The following H2BC12 variants were observed in gnomAD, a reference collection of about 807,000 sequenced individuals.
H2BC12 encodes the protein H2B clustered histone 12, also known as histone H2B type 1-K.
In H2BC12, 6 loss-of-function variants were observed where a neutral mutation model predicts 6.3. That is an observed-to-expected ratio of 0.95 (90% CI 0.52 to 1.87). The LOEUF is 1.87. Among genes scored for constraint, H2BC12 ranks in the 40% most tolerant of loss-of-function variants. The pLI, the probability that H2BC12 is intolerant of heterozygous loss-of-function variation, is 0.01. For missense variants in H2BC12, 119 were observed against 178.4 expected (o/e 0.67, Z 1.90); for synonymous variants, 132 against 78.5 (o/e 1.68, Z -3.60).
At chr6:27,139,458 C>T in the H2BC12 span, 5 of 1,614,092 alleles carry the variant, frequency 3.1e-6, no homozygotes, top group East Asian at 2.2e-5. Flanking sequence ...TTTCTGGCCT[C>T]ATCTATGAGG....
At chr6:27,146,111 T>C (rs1468034802), downstream of H2BC12, among the ~76,000 whole-genome samples, 2 of 152,158 alleles carry the variant, frequency 1.3e-5, no homozygotes, top group Admixed American at 6.6e-5. Flanking sequence ...AACGGAAGTA[T>C]CCATTTTCGC....
At chr6:27,139,222 C>A in the H2BC12 span, 8 of 1,446,272 alleles carry the variant, frequency 5.5e-6, no homozygotes, top group Non-Finnish European at 7.4e-6. Context: ...CAAAGCTCTT[C>A]CGGTTTTCAG....
In H2BC12 at chr6:27,146,621, T is replaced by C. The variant is rs1760089394; in HGVS notation, c.178A>G (p.Met60Val). The part of the protein sequence containing the change: ...HPDTGISSKA[M>V]GIMNSFVNDI... Reference sequence around the variant, plus strand: ...TTGACGAAGGAGTTCATGATTCCCATGGCCTTAGAGGAGATGCCGGTGTCG... The same window carrying C: ...TTGACGAAGGAGTTCATGATTCCCACGGCCTTAGAGGAGATGCCGGTGTCG... Residue 60 changes from methionine to valine, a missense_variant, in exon 1 of 1, where the codon ATG becomes GTG. Physicochemically the swap from Met to Val is conservative, Grantham distance 21. Around this residue, in one of 2 missense-constraint regions of H2BC12, gnomAD observed 69 missense variants for 141.0 expected, o/e 0.49. Transcript: ENST00000356950. 2 of 1,614,272 alleles carry C rather than the reference T, an allele frequency of 1.2e-6. No homozygotes were observed. The highest frequency in any genetic ancestry group is 1.3e-5 in the African/African-American group (1 of 75,074).
Position 27,146,426 on chromosome 6 carries a change from C to T in H2BC12, c.373G>A (p.Ala125Thr), listed in dbSNP as rs139171375. ...ACGCTTACTTGGCAAGTTTACTTAGCGCTGGTGTACTTGGTGACGGCCTTG... is the reference window on the plus strand; with the variant it reads ...ACGCTTACTTGGCAAGTTTACTTAGTGCTGGTGTACTTGGTGACGGCCTTG... ...GTKAVTKYTS[A>T]K Residue 125 changes from alanine (A) to threonine (T), a missense_variant, in exon 1 of 1, where the codon GCT (alanine) becomes ACT (threonine). Ala to Thr is a moderately conservative substitution (Grantham distance 58). Transcript: ENST00000356950. 3 of 1,614,240 alleles carry T rather than the reference C, an allele frequency of 1.9e-6. No individual in the cohort carries two copies. The highest frequency in any genetic ancestry group is 2.5e-6 in the Non-Finnish European group (3 of 1,180,052).
Position 27,146,715 on chromosome 6 carries a change from C to T in H2BC12, c.84G>A (p.Lys28=), listed in dbSNP as rs767432330. Residue 28 remains lysine, a synonymous_variant, in exon 1 of 1, where the codon AAG becomes AAA. Coordinates refer to ENST00000356950, the MANE Select transcript of H2BC12 (RefSeq NM_001312653.2). The stretch of plus-strand genomic sequence containing the variant: ...TCTCCTTGCGGCTGCGCTTGCGCTT[C>T]TTGCCGTCCTTCTTCTGCGCCTTAG... The part of the protein sequence containing the change: ...AVTKAQKKDG[K]KRKRSRKESY... 1 of 1,614,276 alleles carries T rather than the reference C, an allele frequency of 6.2e-7. No homozygotes were observed. The highest frequency in any genetic ancestry group is 8.5e-7 in the Non-Finnish European group (1 of 1,180,054).
the H2BC12 span, chr6:27,139,663 T>C: frequency 6.4e-7 from 1 of 1,565,082 alleles, no homozygotes; most frequent in Non-Finnish European, 8.6e-7. Flanking sequence ...AGGCCCTTTT[T>C]AGGGCCCCTA....
chr6:27,142,008 GTGC>G (rs775968052), downstream of H2BC12, among the ~76,000 whole-genome samples: 1 of 152,138 alleles, frequency 6.6e-6, no homozygotes. Context: ...TTAAAAACTG[GTGC>G]TGGATTCAAT....
At position 27,146,568 on chromosome 6, in the gene H2BC12, C is replaced by T. The variant is rs1259556780; in HGVS notation, c.231G>A (p.Glu77=). ...TGTTGTAATGCGCCAGGCGGGAAGC[C>T]TCACCCGCGATGCGTTCGAAGATGT... ...VNDIFERIAG[E]ASRLAHYNKR... is the part of the protein sequence containing the mutation. The change falls in exon 1 of 1, where the codon GAG becomes GAA. Residue 77 remains glutamate (E), a synonymous_variant. Transcript: ENST00000356950. The T allele has an allele frequency of 9.3e-6, 15 of 1,614,112 alleles. No individual in the cohort carries two copies. Among genetic ancestry groups the T allele is most frequent in the East Asian group, 4.5e-5 (2 of 44,894 alleles).
downstream of H2BC12, among the ~76,000 whole-genome samples, chr6:27,142,159 A>T (rs1303915321): frequency 6.6e-6 from 1 of 152,232 alleles, no homozygotes; most frequent in Non-Finnish European, 1.5e-5. Flanking sequence ...CAGATTTTGA[A>T]GATTTGAAAT....
At chr6:27,140,090 G>T in the H2BC12 span, among the ~76,000 whole-genome samples, 1 of 152,110 alleles carries the variant, frequency 6.6e-6, no homozygotes, top group Non-Finnish European at 1.5e-5. Flanking sequence ...GCATGGGGGG[G>T]AGGGGGACAG....
At position 27,146,808 on chromosome 6, in the gene H2BC12, G is replaced by T; in HGVS notation, c.-10C>A. 6.2e-7 allele frequency: 1 copy of T among 1,613,278 alleles called. No homozygotes were observed. ...TCGCTGGTTCCGGCATGTTGAAGGC[G>T]AACTACGAGCCTGAGACGAGCAGCA... On this transcript the variant is annotated 5_prime_UTR_variant, in exon 1 of 1. Coordinates refer to ENST00000356950, the MANE Select transcript of H2BC12 (RefSeq NM_001312653.2).
downstream of H2BC12, among the ~76,000 whole-genome samples, chr6:27,145,800 G>GCTC (rs1201376031): frequency 3.9e-5 from 6 of 152,292 alleles, no homozygotes; most frequent in Admixed American, 2.0e-4. Context: ...GAAAAGCTGT[G>GCTC]CTCCTCCCCT....
Position 27,146,829 on chromosome 6 carries a change from C to A in H2BC12, c.-31G>T, listed in dbSNP as rs749033276. 9.3e-6 allele frequency: 15 copies of A among 1,605,734 alleles called. No individual in the cohort carries two copies. The highest frequency in any genetic ancestry group is 1.2e-5 in the Non-Finnish European group (14 of 1,176,304). ...AGGCGAACTACGAGCCTGAGACGAG[C>A]AGCAGATCGAGAAAACGGGAAGTAA... On this transcript the variant is annotated 5_prime_UTR_variant, in exon 1 of 1. Coordinates refer to ENST00000356950, the MANE Select transcript of H2BC12 (RefSeq NM_001312653.2).
At chr6:27,145,499 A>AAACCCACCACCTAATTCT (rs1209157925), downstream of H2BC12, among the ~76,000 whole-genome samples, 1 of 152,002 alleles carries the variant, frequency 6.6e-6, no homozygotes, top group Non-Finnish European at 1.5e-5. Context: ...TCACACAATA[A>AAACCCACCACCTAATTCT]AACCCACCAC....
At chr6:27,146,311 ATTTAAG>A, downstream of H2BC12, 2 of 1,555,116 alleles carry the variant, frequency 1.3e-6, no homozygotes, top group Non-Finnish European at 1.7e-6. Context: ...GATCGCCCGA[ATTTAAG>A]CCTGGATTAG....
chr6:27,145,695 T>C (rs16894323), downstream of H2BC12, among the ~76,000 whole-genome samples: 3,589 of 152,318 alleles, frequency 0.024, 50 homozygotes, highest in Middle Eastern at 0.034. Context: ...GAAAAATTAC[T>C]GATTGGACCA....
downstream of H2BC12, among the ~76,000 whole-genome samples, chr6:27,144,539 G>A (rs1428577772): frequency 6.7e-6 from 1 of 149,534 alleles, no homozygotes; most frequent in Admixed American, 6.7e-5. Context: ...AAGGGGTGAG[G>A]GTGAAAGCAG....
downstream of H2BC12, among the ~76,000 whole-genome samples, chr6:27,144,183 C>T (rs188894484): frequency 5.1e-4 from 77 of 152,092 alleles, no homozygotes; most frequent in African/African-American, 1.8e-3. Flanking sequence ...TGCTATCAGC[C>T]GGGCGTGGTG....
At chr6:27,139,669 C>A in the H2BC12 span, 1 of 1,542,482 alleles carries the variant, frequency 6.5e-7, no homozygotes. Context: ...TTTTTAGGGC[C>A]CCTAAGCTTT....
Sources: allele counts gnomAD v4.1 joint callset (sites outside exome capture counted in the v4.1 genomes callset), GRCh38; gene constraint gnomAD v4.1.1; regional missense constraint gnomAD v4.1.1; transcripts MANE v1.5; gene names NCBI Gene and HGNC (gene_info 2026-07-23, HGNC 2026-07-21).